IFT122: variants seen among roughly 807,000 people sequenced by gnomAD.
IFT122 encodes the protein intraflagellar transport protein 122 homolog.
In IFT122, 118 loss-of-function variants were observed where a neutral mutation model predicts 161.6. The ratio of observed to expected loss-of-function variants is 0.73; its 90% confidence interval spans 0.63 to 0.85. IFT122 has a LOEUF of 0.85. Among genes scored for constraint, IFT122 ranks in the 40% least tolerant of loss-of-function variants. IFT122 has a pLI of 0.00. For synonymous variants in IFT122, 550 were observed against 602.4 expected (o/e 0.91, Z 1.27); for missense variants, 1,381 against 1,579.6 (o/e 0.87, Z 2.13).
At chr3:129,458,519 A>G (rs2108024786) in intron 3 of IFT122, 80 bp from the exon 4 acceptor site, 1 of 1,178,938 alleles carries the variant, frequency 8.5e-7, no homozygotes, top group Non-Finnish European at 1.3e-6. Flanking sequence ...ACCTTAAAGA[A>G]CTAGTTTTCT....
chr3:129,478,895 A>T (rs990275828), intron 12 of IFT122, among the ~76,000 whole-genome samples: 2 of 152,222 alleles, frequency 1.3e-5, no homozygotes, highest in African/African-American at 4.8e-5. Context: ...AGTAATTGTC[A>T]AGGAAGTTTT....
intron 16 of IFT122, among the ~76,000 whole-genome samples, chr3:129,489,576 C>T (rs567107794): frequency 2.0e-5 from 3 of 152,080 alleles, no homozygotes; most frequent in South Asian, 4.2e-4. Flanking sequence ...CGGTGGCTCA[C>T]GCCTGTAAAT....
At chr3:129,456,030 GT>G in intron 3 of IFT122, 1 of 444,262 alleles carries the variant, frequency 2.3e-6, no homozygotes, top group Non-Finnish European at 4.5e-6. Context: ...GGGGTCAACT[GT>G]ATGTACACAT....
At chr3:129,509,632 T>C (rs371863942) in intron 23 of IFT122, among the ~76,000 whole-genome samples, 12 of 152,240 alleles carry the variant, frequency 7.9e-5, no homozygotes, top group African/African-American at 2.9e-4. Context: ...CAAAAAAACA[T>C]AAAGCGAGAA....
chr3:129,480,399 T>C (rs142155283), intron 13 of IFT122, among the ~76,000 whole-genome samples: 2 of 152,340 alleles, frequency 1.3e-5, no homozygotes, highest in Non-Finnish European at 2.9e-5. Flanking sequence ...ATGTGGGATA[T>C]CCAGGTTACA....
chr3:129,479,416 A>T (rs1219768044), intron 12 of IFT122, among the ~76,000 whole-genome samples: 2 of 152,168 alleles, frequency 1.3e-5, no homozygotes, highest in Non-Finnish European at 2.9e-5. Context: ...AGCCTGGGTG[A>T]CAGAGTGAGA....
intron 22 of IFT122, among the ~76,000 whole-genome samples, chr3:129,506,854 A>C (rs2082243437): frequency 6.6e-6 from 1 of 152,186 alleles, no homozygotes; most frequent in African/African-American, 2.4e-5. Context: ...CTGGGTTTTA[A>C]ATTTTTTTAA....
chr3:129,516,682 C>CAG (rs1578201987), intron 26 of IFT122, among the ~76,000 whole-genome samples: 2 of 127,768 alleles, frequency 1.6e-5, no homozygotes, highest in African/African-American at 3.2e-5. Flanking sequence ...TGCACACACA[C>CAG]AGATTGCTCC....
At chr3:129,514,298 G>C (rs77184436) in intron 24 of IFT122, 91 bp from the exon 25 acceptor site, 1 of 1,417,988 alleles carries the variant, frequency 7.1e-7, no homozygotes, top group African/African-American at 1.4e-5. Context: ...AGCACAAGCT[G>C]TGTTCCAGCC....
chr3:129,466,935 G>A lies in IFT122; in HGVS notation c.609G>A (p.Glu203=). 1 of 1,614,236 alleles carries A rather than the reference G, an allele frequency of 6.2e-7. No homozygotes were observed. ...TGAACAGAGAGAATGAGGATGCCGA[G>A]GATGTCATTGTCAACAGATATATTC... ...FWMNRENEDA[E]DVIVNRYIQE... is the part of the protein sequence containing the mutation. The change falls in exon 8 of 30, where the codon GAG becomes GAA. Residue 203 remains glutamate (E), a synonymous_variant. Coordinates refer to ENST00000348417, the MANE Select transcript of IFT122 (RefSeq NM_052989.3).
chr3:129,496,847 A>G (rs542267023), intron 18 of IFT122, among the ~76,000 whole-genome samples: 5 of 152,358 alleles, frequency 3.3e-5, no homozygotes, highest in Admixed American at 2.0e-4. Context: ...TGAGATCACC[A>G]GAGTCAGTGC....
intron 19 of IFT122, among the ~76,000 whole-genome samples, chr3:129,500,611 G>C (rs1559974225): frequency 6.6e-6 from 1 of 152,086 alleles, no homozygotes; most frequent in Non-Finnish European, 1.5e-5. Context: ...CTTCTCTTAG[G>C]AGACACTCTT....
At chr3:129,502,269 G>A (rs2081647018) in intron 19 of IFT122, among the ~76,000 whole-genome samples, 2 of 152,232 alleles carry the variant, frequency 1.3e-5, no homozygotes, top group Non-Finnish European at 2.9e-5. Flanking sequence ...TGCACCCGTG[G>A]TGGAAAGAGT....
At chr3:129,494,204 G>T in intron 17 of IFT122, among the ~76,000 whole-genome samples, 1 of 146,892 alleles carries the variant, frequency 6.8e-6, no homozygotes, top group African/African-American at 2.6e-5. Context: ...AACCTTTTTT[G>T]TTTGTTTGTT....
At chr3:129,483,316 C>G (rs1332297545) in intron 14 of IFT122, among the ~76,000 whole-genome samples, 169 bp from the exon 15 acceptor site, 1 of 152,024 alleles carries the variant, frequency 6.6e-6, no homozygotes, top group Non-Finnish European at 1.5e-5. Flanking sequence ...CTGTTCATTT[C>G]TCTTGCCTCT....
At chr3:129,518,145 G>GC (rs1329376668) in intron 27 of IFT122, among the ~76,000 whole-genome samples, 2 of 152,200 alleles carry the variant, frequency 1.3e-5, no homozygotes, top group Non-Finnish European at 2.9e-5. Context: ...GCCCCGTGGT[G>GC]CCCCCATAAC....
chr3:129,495,989 G>A (rs1038263592), intron 18 of IFT122, among the ~76,000 whole-genome samples: 2 of 152,204 alleles, frequency 1.3e-5, no homozygotes, highest in Non-Finnish European at 2.9e-5. Context: ...GGCAGGAGCC[G>A]GTCCTGCCGA....
intron 4 of IFT122, chr3:129,460,979 C>G (rs1158517900): frequency 6.3e-7 from 1 of 1,580,576 alleles, no homozygotes; most frequent in South Asian, 1.1e-5. Flanking sequence ...TGCTTGAGGC[C>G]AAGCGTTCAA....
chr3:129,456,197 C>T, intron 3 of IFT122: 2 of 1,263,188 alleles, frequency 1.6e-6, no homozygotes, highest in Non-Finnish European at 2.1e-6. Context: ...AGACTCTGAG[C>T]CCAAAGCTTA....
Sources: gnomAD v4.1 joint callset for allele counts (sites outside exome capture counted in the v4.1 genomes callset) on GRCh38, gnomAD v4.1.1 for gene constraint, MANE v1.5 for transcripts, NCBI Gene and HGNC (gene_info 2026-07-23, HGNC 2026-07-21) for gene names.